The following PAM variants were observed in gnomAD, a reference collection of about 807,000 sequenced individuals.
PAM encodes peptidyl-glycine alpha-amidating monooxygenase.
Under a neutral mutation model 122.1 loss-of-function variants are expected in PAM, and 72 were observed. The observed-to-expected ratio is 0.59, with a 90% CI of 0.49 to 0.72. PAM has a LOEUF of 0.72. Among genes scored for constraint, PAM ranks in the 30% least tolerant of loss-of-function variants. PAM has a pLI of 0.00. For synonymous variants in PAM, 389 were observed against 404.4 expected (o/e 0.96, Z 0.46); for missense variants, 1,106 against 1,183.7 (o/e 0.93, Z 0.96).
At chr5:102,901,221 T>G (rs1454605884) in intron 3 of PAM, 135 bp from the exon 4 acceptor site, 7 of 576,302 alleles carry the variant, frequency 1.2e-5, no homozygotes, top group African/African-American at 1.1e-4. Context: ...TCCATTAACC[T>G]GCCACTCAGC....
At chr5:103,020,579 A>G (rs1246287128) in intron 23 of PAM, among the ~76,000 whole-genome samples, 1 of 152,174 alleles carries the variant, frequency 6.6e-6, no homozygotes, top group Non-Finnish European at 1.5e-5. Context: ...TTATGTTTGT[A>G]CATTCTAGCA....
At chr5:102,926,541 T>C (rs1477879825) in intron 6 of PAM, 44 bp from the exon 7 acceptor site, 1 of 1,066,038 alleles carries the variant, frequency 9.4e-7, no homozygotes, top group African/African-American at 1.6e-5. Flanking sequence ...AACTCCATTT[T>C]AGATGCTCAT....
At chr5:102,938,683 T>A (rs1489804498) in intron 7 of PAM, among the ~76,000 whole-genome samples, 1 of 152,182 alleles carries the variant, frequency 6.6e-6, no homozygotes, top group Admixed American at 6.6e-5. Flanking sequence ...ATCATCTAAT[T>A]AATTCCATTT....
At chr5:102,962,117 T>C (rs575972869) in intron 14 of PAM, among the ~76,000 whole-genome samples, 1 of 151,868 alleles carries the variant, frequency 6.6e-6, no homozygotes, top group Non-Finnish European at 1.5e-5. Flanking sequence ...TTCAAAAATA[T>C]CACTCTTGTA....
intron 1 of PAM, among the ~76,000 whole-genome samples, chr5:102,766,926 A>ATTTTTTTGTTTTTTTTTTTTTTTT (rs1754148179): frequency 3.9e-5 from 1 of 25,830 alleles, no homozygotes; most frequent in Non-Finnish European, 7.7e-5. Context: ...TCAGTTGTGG[A>ATTTTTTTGTTTTTTTTTTTTTTTT]TTTTTTTTTT....
intron 1 of PAM, among the ~76,000 whole-genome samples, chr5:102,830,509 TC>T (rs773786848): frequency 2.0e-5 from 3 of 152,234 alleles, no homozygotes; most frequent in Non-Finnish European, 4.4e-5. Flanking sequence ...TTCATTCTTC[TC>T]CATGACTCTC....
intron 1 of PAM, among the ~76,000 whole-genome samples, chr5:102,835,161 C>T (rs1776637939): frequency 6.6e-6 from 1 of 152,008 alleles, no homozygotes; most frequent in African/African-American, 2.4e-5. Context: ...TCAGGGCTTT[C>T]TTATATATAT....
chr5:103,028,051 T>C, intron 24 of PAM, 134 bp from the exon 25 acceptor site: 4 of 668,420 alleles, frequency 6.0e-6, no homozygotes, highest in Non-Finnish European at 1.0e-5. Flanking sequence ...TTCTTAAAAA[T>C]TAGAATTGCA....
At chr5:102,949,064 T>C (rs993059442) in intron 9 of PAM, among the ~76,000 whole-genome samples, 5 of 152,140 alleles carry the variant, frequency 3.3e-5, no homozygotes, top group Non-Finnish European at 5.9e-5. Context: ...CATTTTTTCA[T>C]CTATTATAAA....
intron 12 of PAM, among the ~76,000 whole-genome samples, chr5:102,954,026 C>G (rs780543396): frequency 1.3e-5 from 2 of 151,706 alleles, no homozygotes; most frequent in Non-Finnish European, 2.9e-5. Flanking sequence ...GTTTCCCTGT[C>G]TCCGTCTCAA....
chr5:102,999,796 G>T (rs1223850998), intron 16 of PAM, among the ~76,000 whole-genome samples: 1 of 152,158 alleles, frequency 6.6e-6, no homozygotes, highest in Non-Finnish European at 1.5e-5. Flanking sequence ...AGGACACAAG[G>T]CACCAAGTCC....
intron 7 of PAM, among the ~76,000 whole-genome samples, chr5:102,933,484 T>C (rs1232165863): frequency 6.6e-6 from 1 of 152,232 alleles, no homozygotes; most frequent in Admixed American, 6.5e-5. Flanking sequence ...TCGGGTGTGG[T>C]TTCTGCAAAG....
Position 102,779,918 on chromosome 5 carries a change from T to TATATATACAC in PAM, c.-374+24571_-374+24572insTATATACACA, listed in dbSNP as rs147065045. On this transcript the variant is annotated intron_variant, in intron 1 of 25. Transcript: ENST00000438793. ...ATATATATATATATATATATATATA[T>TATATATACAC]ACACACATATATATATGTATATATC... 3.4e-3 allele frequency among the ~76,000 whole-genome samples: 325 copies of TATATATACAC among 95,580 alleles called. 2 individuals carry two copies. Among genetic ancestry groups the TATATATACAC allele is most frequent in the African/African-American group, 0.014 (309 of 22,004 alleles). 62.7% of individuals were successfully genotyped at this position (95,580 alleles called of 152,430 possible).
At chr5:102,821,667 T>C (rs1771954540) in intron 1 of PAM, among the ~76,000 whole-genome samples, 1 of 152,156 alleles carries the variant, frequency 6.6e-6, no homozygotes, top group Non-Finnish European at 1.5e-5. Flanking sequence ...AGCAAACCTA[T>C]GAAGAAAGTA....
intron 15 of PAM, among the ~76,000 whole-genome samples, chr5:102,977,806 C>T (rs1227621160): frequency 6.6e-6 from 1 of 152,106 alleles, no homozygotes; most frequent in Non-Finnish European, 1.5e-5. Context: ...AGGTACCCGA[C>T]TGCCTGGTGG....
At chr5:102,931,828 C>CTG (rs1751638927) in intron 7 of PAM, among the ~76,000 whole-genome samples, 1 of 151,964 alleles carries the variant, frequency 6.6e-6, no homozygotes, top group Non-Finnish European at 1.5e-5. Flanking sequence ...CTCTCTCTCT[C>CTG]TCTCTGTCTC....
intron 1 of PAM, among the ~76,000 whole-genome samples, chr5:102,838,983 C>A (rs1777809087): frequency 6.6e-6 from 1 of 152,092 alleles, no homozygotes; most frequent in Non-Finnish European, 1.5e-5. Context: ...TGTTGGAGTT[C>A]CTAGAAATCT....
chr5:102,950,046 TA>T, intron 11 of PAM, 68 bp downstream of exon 11: 1 of 839,952 alleles, frequency 1.2e-6, no homozygotes, highest in Non-Finnish European at 2.0e-6. Context: ...TTTTAAAAAT[TA>T]TTATGCAACT....
intron 3 of PAM, among the ~76,000 whole-genome samples, chr5:102,900,840 A>C (rs2151401250): frequency 6.6e-6 from 1 of 151,680 alleles, no homozygotes; most frequent in African/African-American, 2.4e-5. Flanking sequence ...GCTTGAGTTA[A>C]TGTTGATTTC....
Sources: allele counts gnomAD v4.1 joint callset (sites outside exome capture counted in the v4.1 genomes callset), GRCh38; gene constraint gnomAD v4.1.1; transcripts MANE v1.5; gene names NCBI Gene and HGNC (gene_info 2026-07-23, HGNC 2026-07-21).